Variants in WIPF2 observed in about 807,000 individuals in gnomAD.
WIPF2 encodes WAS/WASL-interacting protein family member 2.
A neutral mutation model predicts 38.8 loss-of-function variants in WIPF2; 23 were observed. The ratio of observed to expected loss-of-function variants is 0.59; its 90% CI spans 0.43 to 0.84. The LOEUF (loss-of-function observed/expected upper bound fraction) is 0.84, where lower values mean the gene tolerates loss of function less well. WIPF2 is among the 40% of genes least tolerant of loss of function. The pLI is 0.00. For synonymous variants in WIPF2, 210 were observed against 223.2 expected (o/e 0.94, Z 0.53); for missense variants, 574 against 580.5 (o/e 0.99, Z 0.11).
At chr17:40,234,868 G>A (rs1379699786) in intron 1 of WIPF2, among the ~76,000 whole-genome samples, 1 of 152,018 alleles carries the variant, frequency 6.6e-6, no homozygotes, top group African/African-American at 2.4e-5. Flanking sequence ...GTTGCTACTG[G>A]AGAAGCAATA....
At chr17:40,272,094 A>T (rs1374204444) in intron 5 of WIPF2, among the ~76,000 whole-genome samples, 1 of 151,120 alleles carries the variant, frequency 6.6e-6, no homozygotes, top group African/African-American at 2.4e-5. Context: ...ATCTTGGATC[A>T]CCGCAACCTC....
intron 2 of WIPF2, 53 bp from the exon 3 acceptor site, chr17:40,260,482 C>T (rs181268781): frequency 3.2e-4 from 513 of 1,597,162 alleles, no homozygotes; most frequent in Non-Finnish European, 3.5e-4. Context: ...CCACCGCACC[C>T]GGCCGATAAA....
At chr17:40,235,119 C>T (rs1004451587) in intron 1 of WIPF2, among the ~76,000 whole-genome samples, 21 of 151,844 alleles carry the variant, frequency 1.4e-4, no homozygotes, top group Non-Finnish European at 2.2e-4. Context: ...GGGGTTTCAC[C>T]GTGTTAGCCA....
At chr17:40,239,313 C>T (rs578177625) in intron 1 of WIPF2, among the ~76,000 whole-genome samples, 6 of 151,898 alleles carry the variant, frequency 4.0e-5, no homozygotes, top group East Asian at 1.9e-4. Flanking sequence ...CCTCGTGATC[C>T]GCCCCCTTCA....
Position 40,278,115 on chromosome 17 carries a change from G to GT in WIPF2, c.1283-70_1283-69insT, listed in dbSNP as rs2032461904. On this transcript the variant is annotated intron_variant, in intron 7 of 7. Transcript: ENST00000323571. ...TTAAAGAGCCTGTCTCTCATTTTAG[G>GT]AATGTGTGGGTTGTTCAGATTCTGG... The GT allele has an allele frequency of 5.2e-6, 8 of 1,525,482 alleles. No individual in the cohort carries two copies. The Admixed American group carries it at 1.5e-4, about 29-fold the overall frequency. The allele number at this position is 1,525,482 out of a possible 1,614,324, so 94.5% of individuals were successfully genotyped here.
At chr17:40,271,066 AG>A (rs1373633676) in intron 5 of WIPF2, among the ~76,000 whole-genome samples, 2 of 152,124 alleles carry the variant, frequency 1.3e-5, no homozygotes, top group Non-Finnish European at 2.9e-5. Flanking sequence ...TCCATCTCCC[AG>A]GTTCAAGCTC....
intron 1 of WIPF2, among the ~76,000 whole-genome samples, chr17:40,228,055 G>T (rs1399020089): frequency 1.9e-5 from 2 of 104,542 alleles, no homozygotes; most frequent in Non-Finnish European, 3.5e-5. Context: ...TCGCTCTGTC[G>T]CCCAGGCTGG....
Position 40,274,051 on chromosome 17 carries a change from C to T in WIPF2, c.1180+52C>T, listed in dbSNP as rs1229497737. The T allele has an allele frequency of 3.5e-6, 5 of 1,426,734 alleles. No individual in the cohort carries two copies. The South Asian group carries it at 5.8e-5, about 16-fold the overall frequency. The allele number at this position is 1,426,734 out of a possible 1,614,324, so 88.4% of individuals were successfully genotyped here. On this transcript the variant is annotated intron_variant, in intron 6 of 7. Coordinates refer to ENST00000323571, the MANE Select transcript of WIPF2 (RefSeq NM_133264.5). The stretch of plus-strand genomic sequence containing the variant: ...ATGGTTCCTGCGGTGACTTCACCCA[C>T]TCCAGTGCCATGGCTGCTAGATGGC...
At position 40,250,294 on chromosome 17, in the gene WIPF2, A is replaced by T. The variant is rs199750674; in HGVS notation, c.-69-6097A>T. Among the ~76,000 whole-genome samples the T allele has an allele frequency of 3.4e-4, 40 of 117,368 alleles. No individual in the cohort carries two copies. In the East Asian group the frequency reaches 0.011, roughly 32 times the overall value. 77.0% of individuals were successfully genotyped at this position (117,368 alleles called of 152,430 possible). A position where few individuals can be genotyped will look rare whatever the true frequency, so the allele number is the denominator to read the frequency against. ...AACCCAAGCTGGCGTGCAGTGGCGC[A>T]TTCTCGGCTCACTGCAAGCTCTGCC... is the stretch of plus-strand genomic sequence containing the variant. On this transcript the variant is annotated intron_variant, in intron 1 of 7. Coordinates refer to ENST00000323571, the MANE Select transcript of WIPF2 (RefSeq NM_133264.5).
intron 4 of WIPF2, 88 bp from the exon 5 acceptor site, chr17:40,264,402 C>G: frequency 9.9e-7 from 1 of 1,005,878 alleles, no homozygotes; most frequent in South Asian, 1.3e-5. Flanking sequence ...TGCTGCCATG[C>G]AGGTTGCACT....
chr17:40,264,587 T>A lies in WIPF2; in HGVS notation c.411T>A (p.Asp137Glu), dbSNP rs1567722048. 3 of 1,614,080 alleles carry A rather than the reference T, an allele frequency of 1.9e-6. No individual in the cohort carries two copies. Among genetic ancestry groups the A allele is most frequent in the Non-Finnish European group, 2.5e-6 (3 of 1,180,012 alleles). Reference protein sequence around the residue: ...VSAASGRPQDDTDSSRASLPE... With the variant: ...VSAASGRPQDETDSSRASLPE... ...CCGCCAGCGGGCGTCCTCAGGATGATACAGACAGCAGCCGGGCCTCACTCC... is the reference window on the plus strand; with the variant it reads ...CCGCCAGCGGGCGTCCTCAGGATGAAACAGACAGCAGCCGGGCCTCACTCC... The change falls in exon 5 of 8, where the codon GAT (aspartate) becomes GAA (glutamate). Residue 137 changes from aspartate (D) to glutamate (E), a missense_variant. Physicochemically the swap from Asp to Glu is conservative, Grantham distance 45. Transcript: ENST00000323571.
chr17:40,232,523 A>G (rs111989329), intron 1 of WIPF2, among the ~76,000 whole-genome samples: 18 of 151,074 alleles, frequency 1.2e-4, no homozygotes, highest in Non-Finnish European at 2.1e-4. Context: ...TGCTTTTGCC[A>G]TGTTTCCCAG....
At chr17:40,246,355 G>T (rs758983411) in intron 1 of WIPF2, among the ~76,000 whole-genome samples, 5 of 151,156 alleles carry the variant, frequency 3.3e-5, no homozygotes, top group Non-Finnish European at 7.4e-5. Context: ...CAAAGTGCTG[G>T]GATTACAGGC....
chr17:40,273,266 C>T (rs2032297171), intron 5 of WIPF2, among the ~76,000 whole-genome samples: 1 of 152,172 alleles, frequency 6.6e-6, no homozygotes, highest in Admixed American at 6.5e-5. Flanking sequence ...AACTGCTGAG[C>T]TCAGGCAATC....
chr17:40,264,434 A>T, intron 4 of WIPF2, 56 bp from the exon 5 acceptor site: 1 of 1,549,242 alleles, frequency 6.5e-7, no homozygotes, highest in Non-Finnish European at 8.9e-7. Flanking sequence ...TGAAGTAGGG[A>T]TACTGACCAA....
rs186618212 is a variant in WIPF2, at chr17:40,237,602, C to T, written c.-70+18110C>T. The stretch of plus-strand genomic sequence containing the variant: ...TTTCCTTAGCTGTTCTTCCGACTCT[C>T]TGTTGTCGCTTAATTCCTGTTATCA... On this transcript the variant is annotated intron_variant, in intron 1 of 7. Coordinates refer to ENST00000323571, the MANE Select transcript of WIPF2 (RefSeq NM_133264.5). 4.0e-3 allele frequency among the ~76,000 whole-genome samples: 609 copies of T among 151,750 alleles called. 1 individual carries two copies. The highest frequency in any genetic ancestry group is 6.6e-3 in the Non-Finnish European group (446 of 67,930).
intron 4 of WIPF2, among the ~76,000 whole-genome samples, chr17:40,264,078 A>G (rs1230360589): frequency 6.6e-6 from 1 of 151,972 alleles, no homozygotes; most frequent in Non-Finnish European, 1.5e-5. Context: ...CACGCCTGTA[A>G]TCCCATCACT....
chr17:40,238,894 A>AG (rs1024289881), intron 1 of WIPF2, among the ~76,000 whole-genome samples: 9 of 151,766 alleles, frequency 5.9e-5, no homozygotes, highest in Admixed American at 2.0e-4. Flanking sequence ...TACAGACGTG[A>AG]GCCACCGTGC....
intron 2 of WIPF2, among the ~76,000 whole-genome samples, chr17:40,259,836 A>G (rs1163994766): frequency 6.6e-6 from 1 of 152,214 alleles, no homozygotes; most frequent in South Asian, 2.1e-4. Context: ...TAAATGAGCT[A>G]AGGCAAATAT....
Sources: allele counts gnomAD v4.1 joint callset (sites outside exome capture counted in the v4.1 genomes callset), GRCh38; gene constraint gnomAD v4.1.1; transcripts MANE v1.5; gene names NCBI Gene and HGNC (gene_info 2026-07-23, HGNC 2026-07-21).